The following DGKB variants were observed in gnomAD, a reference collection of about 807,000 sequenced individuals.
DGKB encodes 90 kDa diacylglycerol kinase.
In DGKB, 67 loss-of-function variants were observed where a neutral mutation model predicts 114.3. The observed-to-expected ratio is 0.59, with a 90% CI of 0.48 to 0.72. The LOEUF (loss-of-function observed/expected upper bound fraction) is 0.72, where lower values mean the gene tolerates loss of function less well. Among genes scored for constraint, DGKB ranks in the 30% least tolerant of loss-of-function variants. DGKB has a pLI of 0.00. For synonymous variants in DGKB, 398 were observed against 323.1 expected, an observed-to-expected ratio of 1.23 and a Z score of -2.49; for missense variants, 907 against 975.2, an observed-to-expected ratio of 0.93 and a Z score of 0.93.
At chr7:14,709,813 T>A (rs1585870741) in intron 6 of DGKB, among the ~76,000 whole-genome samples, 1 of 89,200 alleles carries the variant, frequency 1.1e-5, no homozygotes, top group Non-Finnish European at 2.1e-5. Flanking sequence ...CTGGGGACTG[T>A]GGTGGGGTGG....
At chr7:14,926,952 T>C (rs183018956) in intron 1 of DGKB, among the ~76,000 whole-genome samples, 3 of 152,064 alleles carry the variant, frequency 2.0e-5, no homozygotes, top group Non-Finnish European at 4.4e-5. Context: ...ACCCTTTCAT[T>C]TGAATATAAT....
chr7:14,648,566 G>T (rs962129756), intron 13 of DGKB, among the ~76,000 whole-genome samples: 75 of 152,126 alleles, frequency 4.9e-4, no homozygotes, highest in Non-Finnish European at 7.8e-4. Context: ...AGGAAAACTG[G>T]AAACTCTAAA....
At chr7:14,578,659 G>C (rs1365216313) in intron 19 of DGKB, among the ~76,000 whole-genome samples, 1 of 152,156 alleles carries the variant, frequency 6.6e-6, no homozygotes, top group African/African-American at 2.4e-5. Flanking sequence ...GTAAGCTCTA[G>C]TCTGCTCACT....
At chr7:14,407,036 T>A (rs1258371912) in intron 21 of DGKB, among the ~76,000 whole-genome samples, 2 of 151,950 alleles carry the variant, frequency 1.3e-5, no homozygotes, top group Non-Finnish European at 2.9e-5. Context: ...GTACATGAGG[T>A]CTATAGAAGG....
At chr7:14,925,189 G>GT in intron 1 of DGKB, among the ~76,000 whole-genome samples, 1 of 152,262 alleles carries the variant, frequency 6.6e-6, no homozygotes, top group Admixed American at 6.5e-5. Flanking sequence ...GGATACCTAA[G>GT]TTTTTTCCAG....
intron 23 of DGKB, chr7:14,192,054 A>C: frequency 2.2e-6 from 1 of 455,490 alleles, no homozygotes; most frequent in South Asian, 1.7e-5. Flanking sequence ...TATGAGACAG[A>C]TAGTCGCTGT....
chr7:14,812,689 T>G (rs1448743085), intron 2 of DGKB, among the ~76,000 whole-genome samples: 1 of 152,158 alleles, frequency 6.6e-6, no homozygotes, highest in Non-Finnish European at 1.5e-5. Flanking sequence ...TTGTCAAATA[T>G]CCCAGGCTTC....
intron 15 of DGKB, chr7:14,621,146 A>G (rs1256278010): frequency 1.7e-5 from 7 of 406,544 alleles, no homozygotes; most frequent in Non-Finnish European, 2.6e-5. Flanking sequence ...ATCTCTTGCC[A>G]ATTTGAGTTT....
At chr7:14,241,507 G>C (rs1234421649) in intron 23 of DGKB, among the ~76,000 whole-genome samples, 1 of 151,998 alleles carries the variant, frequency 6.6e-6, no homozygotes, top group Non-Finnish European at 1.5e-5. Flanking sequence ...CATACGTCAG[G>C]AAATTGTCCT....
intron 21 of DGKB, among the ~76,000 whole-genome samples, chr7:14,357,734 C>A (rs1814856011): frequency 6.6e-6 from 1 of 152,110 alleles, no homozygotes; most frequent in Non-Finnish European, 1.5e-5. Context: ...GTGGCTGATA[C>A]CGGTTGTTCC....
intron 17 of DGKB, among the ~76,000 whole-genome samples, chr7:14,600,046 A>T (rs1048065269): frequency 2.0e-5 from 3 of 152,222 alleles, no homozygotes; most frequent in African/African-American, 7.2e-5. Context: ...TTTATTTCTC[A>T]CATTTCTGGA....
At chr7:14,661,873 C>T (rs889167720) in intron 13 of DGKB, among the ~76,000 whole-genome samples, 7 of 152,120 alleles carry the variant, frequency 4.6e-5, no homozygotes, top group Admixed American at 2.6e-4. Context: ...TACTATGCAG[C>T]CATAAAAAAT....
chr7:14,163,000 T>C (rs956209290), intron 25 of DGKB, among the ~76,000 whole-genome samples: 3 of 152,150 alleles, frequency 2.0e-5, no homozygotes, highest in Admixed American at 1.3e-4. Context: ...TTAAAATAAA[T>C]GATTAATGGT....
chr7:14,600,345 G>A (rs1268823913), intron 17 of DGKB, among the ~76,000 whole-genome samples: 3 of 152,122 alleles, frequency 2.0e-5, no homozygotes, highest in African/African-American at 7.2e-5. Context: ...AAATTTTGGA[G>A]AGACACAAGT....
intron 21 of DGKB, among the ~76,000 whole-genome samples, chr7:14,420,392 T>C (rs780024784): frequency 4.6e-5 from 7 of 152,082 alleles, no homozygotes; most frequent in African/African-American, 9.7e-5. Context: ...TCAATTTTAA[T>C]TCATTTGCCA....
chr7:14,349,201 G>A (rs1472615282), intron 21 of DGKB, among the ~76,000 whole-genome samples: 1 of 151,998 alleles, frequency 6.6e-6, no homozygotes, highest in African/African-American at 2.4e-5. Context: ...AGCTATAAAT[G>A]AGGTAGAATC....
intron 21 of DGKB, among the ~76,000 whole-genome samples, chr7:14,443,163 T>C (rs1311025536): frequency 6.6e-6 from 1 of 152,190 alleles, no homozygotes; most frequent in Non-Finnish European, 1.5e-5. Flanking sequence ...TATTTTCTTA[T>C]TTCTTTTGCA....
At chr7:14,882,919 G>C (rs1389002258) in intron 1 of DGKB, among the ~76,000 whole-genome samples, 1 of 151,856 alleles carries the variant, frequency 6.6e-6, no homozygotes, top group Non-Finnish European at 1.5e-5. Context: ...ATTTTAAATA[G>C]TGCTGCAATA....
chr7:14,862,034 ACTT>A (rs2128181376), intron 1 of DGKB, among the ~76,000 whole-genome samples: 1 of 152,080 alleles, frequency 6.6e-6, no homozygotes, highest in African/African-American at 2.4e-5. Context: ...ATAATATCTG[ACTT>A]CTTATATTTA....
Sources: allele counts gnomAD v4.1 joint callset (sites outside exome capture counted in the v4.1 genomes callset), GRCh38; gene constraint gnomAD v4.1.1; transcripts MANE v1.5; gene names NCBI Gene and HGNC (gene_info 2026-07-23, HGNC 2026-07-21).